LAMP1: variants seen among roughly 807,000 people sequenced by gnomAD.
LAMP1 encodes lysosome-associated membrane glycoprotein 1.
Under a neutral mutation model 37.5 loss-of-function variants are expected in LAMP1, and 7 were observed. The ratio of observed to expected loss-of-function variants is 0.19; its 90% CI spans 0.11 to 0.35. The LOEUF is 0.35. LAMP1 is among the 10% of genes least tolerant of loss of function. LAMP1 has a pLI of 1.00. For missense variants in LAMP1, 537 were observed against 552.8 expected, an observed-to-expected ratio of 0.97 and a Z score of 0.29; for synonymous variants, 236 against 229.1, an observed-to-expected ratio of 1.03 and a Z score of -0.27.
chr13:113,309,566 C>G, intron 2 of LAMP1, 77 bp from the exon 3 acceptor site: 1 of 1,115,244 alleles, frequency 9.0e-7, no homozygotes, highest in African/African-American at 1.5e-5. Flanking sequence ...TTATATCAGA[C>G]TTACAGAAAA....
At position 113,322,368 on chromosome 13, in the gene LAMP1, ATCG is replaced by A; in HGVS notation, c.1202_1204del (p.Ile401_Ala402delinsThr). 2 of 1,613,712 alleles carry A rather than the reference ATCG, an allele frequency of 1.2e-6. No homozygotes were observed. The highest frequency in any genetic ancestry group is 1.7e-5 in the Admixed American group (1 of 59,970). On this transcript the variant is annotated inframe_deletion, in exon 9 of 9. Transcript: ENST00000332556. ...GGCGGGGCTGGTCCTCATCGTCCTC[ATCG>A]CCTACCTCGTCGGCAGGAAGAGGAG... is the stretch of plus-strand genomic sequence containing the variant.
At chr13:113,315,371 A>G (rs1234418054) in intron 4 of LAMP1, among the ~76,000 whole-genome samples, 6 of 140,288 alleles carry the variant, frequency 4.3e-5, no homozygotes, top group Non-Finnish European at 7.6e-5. Flanking sequence ...AGAAAGCCTC[A>G]TGTATCTTGT....
intron 1 of LAMP1, among the ~76,000 whole-genome samples, chr13:113,298,075 T>C (rs939540360): frequency 6.6e-6 from 1 of 152,222 alleles, no homozygotes; most frequent in African/African-American, 2.4e-5. Context: ...CACATGTATG[T>C]TAAAATAATT....
In LAMP1 at chr13:113,309,759, C is replaced by T. The variant is rs1381646211; in HGVS notation, c.300C>T (p.Leu100=). The T allele has an allele frequency of 1.2e-6, 2 of 1,614,104 alleles. No individual in the cohort carries two copies. Among genetic ancestry groups the T allele is most frequent in the African/African-American group, 2.7e-5 (2 of 75,064 alleles). Reference sequence around the variant, plus strand: ...TTGCTTTTGGAAGAGGACATACACTCACTCTCAATTTCACGAGAAATGCAA... The same window carrying T: ...TTGCTTTTGGAAGAGGACATACACTTACTCTCAATTTCACGAGAAATGCAA... The part of the protein sequence containing the change: ...LVIAFGRGHT[L]TLNFTRNATR... Residue 100 remains leucine, a synonymous_variant, in exon 3 of 9, where the codon CTC becomes CTT. Coordinates refer to ENST00000332556, the MANE Select transcript of LAMP1 (RefSeq NM_005561.4).
At position 113,320,534 on chromosome 13, in the gene LAMP1, C is replaced by G; in HGVS notation, c.876+64C>G. 6.4e-7 allele frequency: 1 copy of G among 1,565,604 alleles called. No homozygotes were observed. The highest frequency in any genetic ancestry group is 1.7e-5 in the Admixed American group (1 of 57,544). On this transcript the variant is annotated intron_variant, in intron 6 of 8. Transcript: ENST00000332556. The surrounding 1 kb of genome is among the most constrained non-coding windows in gnomAD (Gnocchi z 4.4). ...TGTCTCCACCACATCTTTTTGTGCCCTGGGTCTGCTCATGGGAGGCAGCGT... is the reference window on the plus strand; with the variant it reads ...TGTCTCCACCACATCTTTTTGTGCCGTGGGTCTGCTCATGGGAGGCAGCGT...
rs1279062702 is a variant in LAMP1, at chr13:113,323,009, A to G, written c.*588A>G. 6.5e-6 allele frequency: 1 copy of G among 153,142 alleles called. No homozygotes were observed. Among genetic ancestry groups the G allele is most frequent in the Non-Finnish European group, 1.5e-5 (1 of 68,712 alleles). 9.5% of individuals were successfully genotyped at this position (153,142 alleles called of 1,614,324 possible). ...TGGCCGTCACACGTAGGACGCATGA[A>G]GGTCACTCGTGGTGAGGCTGACATG... is the stretch of plus-strand genomic sequence containing the variant. On this transcript the variant is annotated 3_prime_UTR_variant, in exon 9 of 9. Coordinates refer to ENST00000332556, the MANE Select transcript of LAMP1 (RefSeq NM_005561.4).
intron 8 of LAMP1, 175 bp from the exon 9 acceptor site, chr13:113,322,107 A>G: frequency 2.9e-6 from 2 of 699,258 alleles, no homozygotes; most frequent in East Asian, 2.6e-5. Context: ...CTCGCCGTGC[A>G]GAGAGCACCA....
chr13:113,300,287 C>T (rs1194908436), intron 1 of LAMP1, among the ~76,000 whole-genome samples: 1 of 151,924 alleles, frequency 6.6e-6, no homozygotes, highest in African/African-American at 2.4e-5. Flanking sequence ...TTGAGACCAG[C>T]CTGGCCAATG....
intron 1 of LAMP1, among the ~76,000 whole-genome samples, chr13:113,304,353 T>A (rs1329382427): frequency 6.6e-6 from 1 of 152,246 alleles, no homozygotes; most frequent in Non-Finnish European, 1.5e-5. Context: ...GTGTTAAGTC[T>A]CTGGCGTCTG....
At chr13:113,301,418 C>T (rs1284118409) in intron 1 of LAMP1, among the ~76,000 whole-genome samples, 1 of 151,578 alleles carries the variant, frequency 6.6e-6, no homozygotes, top group Non-Finnish European at 1.5e-5. Context: ...CTCAGGAGTT[C>T]GAGACCAGCC....
chr13:113,322,469 C>T lies in LAMP1; in HGVS notation c.*48C>T, dbSNP rs775891878. On this transcript the variant is annotated 3_prime_UTR_variant, in exon 9 of 9. Transcript: ENST00000332556. The stretch of plus-strand genomic sequence containing the variant: ...GCTGCAGGGGCCTCTGTTCCTTTCT[C>T]TGGGCTTAGGGTCCTGTCGAAGGGG... 5 of 1,559,286 alleles carry T rather than the reference C, an allele frequency of 3.2e-6. No individual in the cohort carries two copies.
At chr13:113,322,203 G>A (rs116187507) in intron 8 of LAMP1, 79 bp from the exon 9 acceptor site, 3 of 1,471,160 alleles carry the variant, frequency 2.0e-6, no homozygotes, top group Non-Finnish European at 2.7e-6. Flanking sequence ...TGGCTGATGT[G>A]GGGGAGTGGT....
At chr13:113,300,832 A>G (rs1336908677) in intron 1 of LAMP1, among the ~76,000 whole-genome samples, 3 of 151,820 alleles carry the variant, frequency 2.0e-5, no homozygotes. Context: ...AAAGAAAAAA[A>G]TTTTTTTTCT....
chr13:113,316,710 C>G (rs552628603), intron 4 of LAMP1, among the ~76,000 whole-genome samples: 5 of 152,040 alleles, frequency 3.3e-5, no homozygotes, highest in Non-Finnish European at 7.4e-5. Flanking sequence ...CGTGAGCCAC[C>G]GTGCCCAGCT....
intron 3 of LAMP1, among the ~76,000 whole-genome samples, chr13:113,310,103 C>T (rs193094024): frequency 1.3e-3 from 204 of 152,166 alleles, no homozygotes; most frequent in Non-Finnish European, 2.4e-3. Context: ...GTGGCGGGCA[C>T]CTGTAATCCC....
At chr13:113,303,951 G>C (rs977855407) in intron 1 of LAMP1, among the ~76,000 whole-genome samples, 1 of 152,048 alleles carries the variant, frequency 6.6e-6, no homozygotes, top group African/African-American at 2.4e-5. Flanking sequence ...CAGACATGGT[G>C]GTACAAACCT....
chr13:113,319,879 T>TG (rs1376558894), intron 5 of LAMP1, among the ~76,000 whole-genome samples: 2 of 152,276 alleles, frequency 1.3e-5, no homozygotes, highest in African/African-American at 2.4e-5. Context: ...CCAAGGCTGG[T>TG]GTCCCAGCAT....
rs1595455170 is a variant in LAMP1, at chr13:113,297,921, T to G, written c.61+426T>G. On this transcript the variant is annotated intron_variant, in intron 1 of 8. Transcript: ENST00000332556. The surrounding 1 kb of genome is among the most constrained non-coding windows in gnomAD (Gnocchi z 4.4). The stretch of plus-strand genomic sequence containing the variant: ...TCTGTGGTCTCAGCTCCCGGGTGGG[T>G]GACCTAGATCAAGCTCTTCCCAACA... 6.6e-6 allele frequency among the ~76,000 whole-genome samples: 1 copy of G among 152,088 alleles called. No homozygotes were observed. Among genetic ancestry groups the G allele is most frequent in the Admixed American group, 6.5e-5 (1 of 15,268 alleles).
intron 4 of LAMP1, among the ~76,000 whole-genome samples, chr13:113,313,038 G>C (rs1436945565): frequency 1.3e-5 from 2 of 152,196 alleles, no homozygotes; most frequent in African/African-American, 4.8e-5. Context: ...AAATGAGAGA[G>C]AATTGGATGC....
Sources: gnomAD v4.1 joint callset for allele counts (sites outside exome capture counted in the v4.1 genomes callset) on GRCh38, gnomAD v4.1.1 for gene constraint, Gnocchi (gnomAD v3.1) non-coding constraint, MANE v1.5 for transcripts, NCBI Gene and HGNC (gene_info 2026-07-23, HGNC 2026-07-21) for gene names.